ADGRL3: variants seen among roughly 807,000 people sequenced by gnomAD.
ADGRL3 encodes the protein calcium-independent alpha-latrotoxin receptor 3.
ADGRL3 carries 62 observed loss-of-function variants against 153.5 expected under a neutral mutation model. The observed-to-expected ratio is 0.40, with a 90% CI of 0.33 to 0.50. The LOEUF is 0.50. Ranked by LOEUF, ADGRL3 falls within the 20% of genes least tolerant of loss-of-function variation. The probability of loss-of-function intolerance (pLI) is 0.47; values close to 1 mark genes in which losing one functional copy is unlikely to be tolerated. For missense variants in ADGRL3, 1,641 were observed against 1,859.4 expected, an observed-to-expected ratio of 0.88 and a Z score of 2.16; for synonymous variants, 710 against 672.5, an observed-to-expected ratio of 1.06 and a Z score of -0.86.
chr4:61,735,135 C>T (rs2096492122), intron 8 of ADGRL3, among the ~76,000 whole-genome samples: 1 of 152,164 alleles, frequency 6.6e-6, no homozygotes, highest in African/African-American at 2.4e-5. Flanking sequence ...TTTCTCTTAA[C>T]ATTATTTGTC....
intron 17 of ADGRL3, among the ~76,000 whole-genome samples, chr4:61,971,761 T>G (rs927845486): frequency 1.3e-5 from 2 of 152,194 alleles, no homozygotes; most frequent in Non-Finnish European, 2.9e-5. Flanking sequence ...TGAACTAGTT[T>G]ACAGTCCCAC....
intron 5 of ADGRL3, among the ~76,000 whole-genome samples, chr4:61,647,432 A>C (rs2094064583): frequency 6.6e-6 from 1 of 152,140 alleles, no homozygotes; most frequent in African/African-American, 2.4e-5. Flanking sequence ...CCCATATCTG[A>C]GTACCTGTTT....
intron 1 of ADGRL3, among the ~76,000 whole-genome samples, chr4:61,298,996 C>A (rs1486844001): frequency 6.6e-6 from 1 of 152,058 alleles, no homozygotes; most frequent in Non-Finnish European, 1.5e-5. Flanking sequence ...TTAATGCATG[C>A]AAGATTCTAC....
Position 61,993,261 on chromosome 4 carries a change from TTGTTTC to T in ADGRL3, c.3237-3022_3237-3017del, listed in dbSNP as rs199704528. Among the ~76,000 whole-genome samples the T allele has an allele frequency of 3.2e-3, 477 of 148,988 alleles. 5 individuals carry two copies. The highest frequency in any genetic ancestry group is 0.011 in the African/African-American group (443 of 40,066). Reference sequence around the variant, plus strand: ...TTTGTCCTTCATTGTTTTTTTGTTTTTGTTTCTGTTTCTTTTTTTCTTTCTTTCCTT... The same window carrying T: ...TTTGTCCTTCATTGTTTTTTTGTTTTTGTTTCTTTTTTTCTTTCTTTCCTT... On this transcript the variant is annotated intron_variant, in intron 19 of 26. Transcript: ENST00000683033.
At chr4:62,067,638 A>G (rs1177626095) in intron 25 of ADGRL3, among the ~76,000 whole-genome samples, 1 of 152,116 alleles carries the variant, frequency 6.6e-6, no homozygotes, top group Non-Finnish European at 1.5e-5. Context: ...GTGCAGGAAA[A>G]GAGAAGATAC....
chr4:61,467,041 G>T (rs2097893034), intron 2 of ADGRL3, among the ~76,000 whole-genome samples: 1 of 152,106 alleles, frequency 6.6e-6, no homozygotes, highest in Non-Finnish European at 1.5e-5. Context: ...ATCAATATGT[G>T]ATAAGTACTT....
intron 5 of ADGRL3, among the ~76,000 whole-genome samples, chr4:61,594,963 C>T (rs1468574046): frequency 6.6e-6 from 1 of 152,136 alleles, no homozygotes; most frequent in African/African-American, 2.4e-5. Context: ...ACTACTAGTC[C>T]ATGGGGTTTC....
rs771732117 is a variant in ADGRL3 at position 61,280,107 on chromosome 4, C to CTTTTTT, written c.-240+78347_-240+78348insTTTTTT. 1.0e-3 allele frequency among the ~76,000 whole-genome samples: 98 copies of CTTTTTT among 94,650 alleles called. 8 individuals are homozygous for CTTTTTT. The highest frequency in any genetic ancestry group is 3.2e-3 in the East Asian group (10 of 3,174). 62.1% of individuals were successfully genotyped at this position (94,650 alleles called of 152,430 possible). On this transcript the variant is annotated intron_variant, in intron 1 of 26. Transcript: ENST00000683033. ...AAAGTATTTTCTTTTCTTTTCTTTT[C>CTTTTTT]TTTTTCTTTTTTTTTTTTTTGAGAC...
intron 22 of ADGRL3, among the ~76,000 whole-genome samples, chr4:62,030,624 C>T (rs1258826759): frequency 1.3e-5 from 2 of 151,534 alleles, no homozygotes; most frequent in Non-Finnish European, 3.0e-5. Context: ...GAGAACTTGT[C>T]TTTTATTCTA....
chr4:61,433,566 T>C (rs912349170), intron 2 of ADGRL3, among the ~76,000 whole-genome samples: 2 of 152,338 alleles, frequency 1.3e-5, no homozygotes, highest in Non-Finnish European at 2.9e-5. Context: ...TTAGGGAATA[T>C]ATTTGCATTT....
At position 61,698,997 on chromosome 4, in the gene ADGRL3, C is replaced by T. The variant is rs542355518; in HGVS notation, c.583+22062C>T. ...CTAGGGACTTCCATTTATACTTTCC[C>T]GTTCAGAATGTAATCCTATCAGAAA... On this transcript the variant is annotated intron_variant, in intron 6 of 26. Coordinates refer to ENST00000683033, the MANE Select transcript of ADGRL3 (RefSeq NM_001387552.1). Among the ~76,000 whole-genome samples, 4 of 152,238 alleles carry T rather than the reference C, an allele frequency of 2.6e-5. No individual in the cohort carries two copies. The South Asian group carries it at 8.3e-4, about 32-fold the overall frequency.
At chr4:62,048,415 A>ACCAC (rs1471057542) in intron 25 of ADGRL3, among the ~76,000 whole-genome samples, 1 of 151,724 alleles carries the variant, frequency 6.6e-6, no homozygotes, top group Non-Finnish European at 1.5e-5. Flanking sequence ...GACACACACC[A>ACCAC]CCACACCCGG....
intron 17 of ADGRL3, among the ~76,000 whole-genome samples, chr4:61,972,930 G>A (rs2099034403): frequency 6.6e-6 from 1 of 151,900 alleles, no homozygotes; most frequent in Admixed American, 6.6e-5. Context: ...TTATTGGCAA[G>A]CAGTTGATAA....
At chr4:61,612,193 G>T (rs1038462030) in intron 5 of ADGRL3, among the ~76,000 whole-genome samples, 1 of 152,140 alleles carries the variant, frequency 6.6e-6, no homozygotes, top group Non-Finnish European at 1.5e-5. Flanking sequence ...TATGATGAAT[G>T]CTTCAGAAAT....
At chr4:62,044,419 A>T in intron 24 of ADGRL3, 34 bp from the exon 25 acceptor site, 1 of 1,315,596 alleles carries the variant, frequency 7.6e-7, no homozygotes, top group Non-Finnish European at 1.1e-6. Flanking sequence ...CTGCATCATG[A>T]GTTCATTTTC....
chr4:61,927,916 T>C (rs2098801336), intron 13 of ADGRL3, among the ~76,000 whole-genome samples: 1 of 151,974 alleles, frequency 6.6e-6, no homozygotes, highest in Non-Finnish European at 1.5e-5. Flanking sequence ...TCTATCTATC[T>C]ACAGTGTATA....
intron 1 of ADGRL3, among the ~76,000 whole-genome samples, chr4:61,376,490 G>T (rs2096604348): frequency 6.6e-6 from 1 of 152,086 alleles, no homozygotes; most frequent in Non-Finnish European, 1.5e-5. Context: ...CGCCCACCAA[G>T]TCTTCCTAGG....
intron 9 of ADGRL3, among the ~76,000 whole-genome samples, chr4:61,875,898 A>T (rs6854364): frequency 0.78 from 119,274 of 152,106 alleles, 47,032 homozygotes; most frequent in South Asian, 0.84. Flanking sequence ...ACATAAATTG[A>T]ACCCAGGCCA....
intron 10 of ADGRL3, among the ~76,000 whole-genome samples, chr4:61,894,875 T>C (rs1195166052): frequency 6.6e-6 from 1 of 152,282 alleles, no homozygotes; most frequent in East Asian, 1.9e-4. Flanking sequence ...TCTCCTCTTT[T>C]AATATTCTCA....
Sources: gnomAD v4.1 joint callset for allele counts (sites outside exome capture counted in the v4.1 genomes callset) on GRCh38, gnomAD v4.1.1 for gene constraint, MANE v1.5 for transcripts, NCBI Gene and HGNC (gene_info 2026-07-23, HGNC 2026-07-21) for gene names.